CHST8: variants seen among roughly 807,000 people sequenced by gnomAD.
CHST8 encodes the protein carbohydrate sulfotransferase 8, also known as GALNAC-4-ST1.
Under a neutral mutation model 15.0 loss-of-function variants are expected in CHST8, and 10 were observed. The observed-to-expected ratio is 0.67, with a 90% confidence interval of 0.41 to 1.13. The LOEUF (loss-of-function observed/expected upper bound fraction) is 1.13, where lower values mean the gene tolerates loss of function less well. Ranked by LOEUF, CHST8 falls within the 50% of genes most tolerant of loss-of-function variation. CHST8 has a pLI of 0.00. For synonymous variants in CHST8, 259 were observed against 256.6 expected (o/e 1.01, Z -0.09); for missense variants, 634 against 608.2 (o/e 1.04, Z -0.45).
chr19:33,705,458 T>C (rs777628864), intron 3 of CHST8, among the ~76,000 whole-genome samples: 1 of 152,206 alleles, frequency 6.6e-6, no homozygotes, highest in Non-Finnish European at 1.5e-5. Context: ...GGAGCGCACC[T>C]AATTAAAACC....
chr19:33,642,294 G>GCC (rs57944703), intron 1 of CHST8, among the ~76,000 whole-genome samples: 15 of 150,776 alleles, frequency 9.9e-5, no homozygotes, highest in African/African-American at 3.7e-4. Context: ...GCAGCAGAGG[G>GCC]CCCCCCCCCA....
intron 3 of CHST8, among the ~76,000 whole-genome samples, chr19:33,737,418 C>T (rs1568348795): frequency 1.3e-5 from 2 of 152,142 alleles, no homozygotes; most frequent in Non-Finnish European, 2.9e-5. Context: ...TCGGAACTGT[C>T]CCTAGCACTG....
At chr19:33,705,633 T>G (rs1322996189) in intron 3 of CHST8, among the ~76,000 whole-genome samples, 1 of 152,092 alleles carries the variant, frequency 6.6e-6, no homozygotes, top group African/African-American at 2.4e-5. Context: ...TGGGTGTAAA[T>G]GGAGGAGGAT....
In CHST8 at chr19:33,694,093, CATATATATATATATATAT is replaced by C. The variant is rs3040787; in HGVS notation, c.130+4722_130+4739del. On this transcript the variant is annotated intron_variant, in intron 3 of 4. Coordinates refer to ENST00000650847, the MANE Select transcript of CHST8 (RefSeq NM_001127895.2). ...CATACAGATTCTGTTGTAGTTTATT[CATATATATATATATATAT>C]ATATATATATATATATATAAATGCA... Among the ~76,000 whole-genome samples the C allele has an allele frequency of 2.2e-3, 69 of 31,394 alleles. 2 individuals carry two copies. The highest frequency in any genetic ancestry group is 3.8e-3 in the African/African-American group (23 of 6,052). 20.6% of individuals were successfully genotyped at this position (31,394 alleles called of 152,430 possible).
intron 2 of CHST8, among the ~76,000 whole-genome samples, chr19:33,677,756 T>C (rs1272502425): frequency 6.6e-6 from 1 of 152,210 alleles, no homozygotes; most frequent in Non-Finnish European, 1.5e-5. Context: ...CACAGTCCCC[T>C]CTGTCAGATA....
At chr19:33,743,083 T>G (rs1321249403) in intron 3 of CHST8, among the ~76,000 whole-genome samples, 1 of 150,278 alleles carries the variant, frequency 6.7e-6, no homozygotes, top group Non-Finnish European at 1.5e-5. Context: ...CTCTGTTCAT[T>G]GAAGACACTA....
intron 3 of CHST8, among the ~76,000 whole-genome samples, chr19:33,723,606 A>T (rs1973840966): frequency 6.6e-6 from 1 of 152,186 alleles, no homozygotes. Context: ...TGCTGGAGAA[A>T]GCAGGTGCCT....
At chr19:33,756,481 G>A (rs1974549160) in intron 3 of CHST8, among the ~76,000 whole-genome samples, 1 of 152,112 alleles carries the variant, frequency 6.6e-6, no homozygotes, top group Non-Finnish European at 1.5e-5. Flanking sequence ...TTCACCATAA[G>A]CCAAGGTTGG....
intron 3 of CHST8, among the ~76,000 whole-genome samples, chr19:33,690,819 C>T (rs577438323): frequency 6.3e-4 from 96 of 152,346 alleles, no homozygotes; most frequent in Non-Finnish European, 1.2e-3. Context: ...CTCGGGACAG[C>T]GCCACCAGGG....
At chr19:33,765,844 G>A (rs997497262) in intron 3 of CHST8, among the ~76,000 whole-genome samples, 1 of 152,114 alleles carries the variant, frequency 6.6e-6, no homozygotes, top group Admixed American at 6.5e-5. Context: ...ACAGGTGTGA[G>A]CCACCACGCC....
At chr19:33,705,928 C>T (rs1486108037) in intron 3 of CHST8, among the ~76,000 whole-genome samples, 3 of 152,192 alleles carry the variant, frequency 2.0e-5, no homozygotes, top group Non-Finnish European at 4.4e-5. Context: ...GGTGTGAGCA[C>T]TCAGTGCCTA....
intron 2 of CHST8, among the ~76,000 whole-genome samples, chr19:33,682,232 G>T: frequency 8.5e-6 from 1 of 117,734 alleles, no homozygotes; most frequent in South Asian, 2.9e-4. Flanking sequence ...TCGCTCTGTT[G>T]CCCTGACTGG....
intron 1 of CHST8, among the ~76,000 whole-genome samples, chr19:33,639,454 A>T (rs555101078): frequency 9.8e-5 from 15 of 152,340 alleles, no homozygotes; most frequent in African/African-American, 3.6e-4. Context: ...CCTTGTAACC[A>T]TAACAGGTCC....
At chr19:33,627,267 A>ATT (rs542383728) in intron 1 of CHST8, among the ~76,000 whole-genome samples, 126 of 143,186 alleles carry the variant, frequency 8.8e-4, no homozygotes, top group Non-Finnish European at 1.5e-3. Flanking sequence ...TGCCCAGCTA[A>ATT]TTTTTTTTTT....
intron 1 of CHST8, among the ~76,000 whole-genome samples, chr19:33,659,595 C>T (rs115933255): frequency 0.013 from 1,906 of 152,018 alleles, 49 homozygotes; most frequent in African/African-American, 0.044. Context: ...TTTGGGAGGC[C>T]GAGGTGGGAG....
At chr19:33,668,105 C>T (rs1484688617) in intron 2 of CHST8, among the ~76,000 whole-genome samples, 2 of 152,134 alleles carry the variant, frequency 1.3e-5, no homozygotes, top group Admixed American at 6.5e-5. Context: ...ACTCGGTTTT[C>T]GATTGTCTCT....
intron 1 of CHST8, among the ~76,000 whole-genome samples, chr19:33,660,206 C>T (rs528146676): frequency 1.3e-3 from 201 of 152,296 alleles, no homozygotes; most frequent in South Asian, 3.3e-3. Context: ...ATCAATGATG[C>T]TAGTTGCCAT....
At chr19:33,641,741 G>A (rs932436767) in intron 1 of CHST8, among the ~76,000 whole-genome samples, 1 of 151,908 alleles carries the variant, frequency 6.6e-6, no homozygotes, top group African/African-American at 2.4e-5. Context: ...GGATGTCGGG[G>A]GCGGTGTGTG....
intron 3 of CHST8, among the ~76,000 whole-genome samples, chr19:33,694,393 G>A (rs1973168102): frequency 1.3e-5 from 2 of 151,230 alleles, no homozygotes; most frequent in South Asian, 4.2e-4. Flanking sequence ...CCAGTGGGGA[G>A]GCAGCTGTGG....
Sources: allele counts gnomAD v4.1 joint callset (sites outside exome capture counted in the v4.1 genomes callset), GRCh38; gene constraint gnomAD v4.1.1; transcripts MANE v1.5; gene names NCBI Gene and HGNC (gene_info 2026-07-23, HGNC 2026-07-21).